LUZP1: variants seen among roughly 807,000 people sequenced by gnomAD.
The protein encoded by LUZP1 is filamin mechanobinding actin cross-linking protein.
LUZP1 carries 25 observed loss-of-function variants against 71.3 expected under a neutral mutation model. The observed-to-expected ratio is 0.35, with a 90% confidence interval of 0.26 to 0.49. LUZP1 has a LOEUF of 0.49. LUZP1 is among the 20% of genes least tolerant of loss of function. LUZP1 has a pLI of 0.99. For synonymous variants in LUZP1, 481 were observed against 506.4 expected (o/e 0.95, Z 0.67); for missense variants, 1,142 against 1,300.8 (o/e 0.88, Z 1.88).
At chr1:23,088,913 G>A (rs1382698270) in exon 5 of LUZP1, 6 of 1,614,162 alleles carry the variant, frequency 3.7e-6, no homozygotes, top group Non-Finnish European at 4.2e-6. Context: ...CCTCAGCACA[G>A]GGCCTGGTTG....
intron 3 of LUZP1, among the ~76,000 whole-genome samples, chr1:23,103,321 C>A (rs1307037141): frequency 3.9e-5 from 6 of 152,148 alleles, no homozygotes; most frequent in Admixed American, 2.6e-4. Context: ...CTAAGCCTCA[C>A]CATCAACTCT....
chr1:23,134,368 G>T (rs1186379959), intron 2 of LUZP1, among the ~76,000 whole-genome samples: 2 of 151,872 alleles, frequency 1.3e-5, no homozygotes, highest in Non-Finnish European at 2.9e-5. Context: ...TGCAGACCCA[G>T]CTACTCAGGA....
At chr1:23,121,102 G>A (rs1219786577) in intron 2 of LUZP1, among the ~76,000 whole-genome samples, 1 of 152,158 alleles carries the variant, frequency 6.6e-6, no homozygotes, top group Non-Finnish European at 1.5e-5. Context: ...TAAGCTGCTG[G>A]CTTATATCTT....
chr1:23,160,502 G>C (rs1461012854), intron 2 of LUZP1, among the ~76,000 whole-genome samples: 1 of 152,174 alleles, frequency 6.6e-6, no homozygotes, highest in Non-Finnish European at 1.5e-5. Flanking sequence ...ATTAGGACTG[G>C]ACTCCTGTAC....
chr1:23,161,048 A>G (rs1055226831), intron 2 of LUZP1, among the ~76,000 whole-genome samples: 4 of 152,208 alleles, frequency 2.6e-5, no homozygotes, highest in African/African-American at 9.6e-5. Flanking sequence ...ATAGTTAAAC[A>G]GCATAAGAGG....
intron 2 of LUZP1, among the ~76,000 whole-genome samples, chr1:23,145,871 A>G (rs997194503): frequency 6.6e-6 from 1 of 152,212 alleles, no homozygotes; most frequent in Admixed American, 6.5e-5. Flanking sequence ...ATTCAAACTC[A>G]ATTCATTTGA....
intron 2 of LUZP1, among the ~76,000 whole-genome samples, chr1:23,147,099 A>AAATAATAATAATAATAATAAT (rs371398665): frequency 2.9e-4 from 42 of 144,528 alleles, no homozygotes; most frequent in African/African-American, 6.9e-4. Flanking sequence ...TCCGTCTCAA[A>AAATAATAATAATAATAATAAT]AATAATAATA....
chr1:23,085,540 GCCTC>G (rs1446396078), exon 5 of LUZP1: 1 of 152,524 alleles, frequency 6.6e-6, no homozygotes, highest in Non-Finnish European at 1.5e-5. Flanking sequence ...CAGGGACCCA[GCCTC>G]TGGGTCCCCA....
intron 3 of LUZP1, among the ~76,000 whole-genome samples, chr1:23,103,107 A>T (rs1412704059): frequency 1.0e-4 from 15 of 145,464 alleles, no homozygotes; most frequent in Admixed American, 3.4e-4. Context: ...AATTTTTCTC[A>T]TTTTTTTTTT....
At position 23,118,311 on chromosome 1, in the gene LUZP1, T is replaced by C. The variant is rs192460409; in HGVS notation, c.-225-9184A>G. 2.8e-3 allele frequency among the ~76,000 whole-genome samples: 422 copies of C among 152,072 alleles called. 2 individuals carry two copies. In the South Asian group the frequency reaches 0.037, roughly 13 times the overall value. ...ACTCAGGAGGCTGAGGCAACGAGAA[T>C]TGCTTGAACCCGGGAGGCGGAGGTT... On this transcript the variant is annotated intron_variant, in intron 2 of 4. Transcript: ENST00000302291.
At chr1:23,097,025 T>G (rs1383509279) in intron 3 of LUZP1, among the ~76,000 whole-genome samples, 8 of 152,126 alleles carry the variant, frequency 5.3e-5, no homozygotes, top group African/African-American at 1.9e-4. Flanking sequence ...GAATATAAGA[T>G]CAAGGCACCA....
intron 1 of LUZP1, among the ~76,000 whole-genome samples, chr1:23,176,149 C>A (rs1425704169): frequency 6.6e-6 from 1 of 151,702 alleles, no homozygotes; most frequent in Non-Finnish European, 1.5e-5. Flanking sequence ...GCAACCACCA[C>A]CTCCTGGGTT....
At chr1:23,103,304 A>G (rs959295823) in intron 3 of LUZP1, among the ~76,000 whole-genome samples, 1 of 152,126 alleles carries the variant, frequency 6.6e-6, no homozygotes, top group Non-Finnish European at 1.5e-5. Flanking sequence ...TTAAAATCTT[A>G]GGCTGTCTAA....
chr1:23,091,041 CCT>C, intron 4 of LUZP1, 147 bp downstream of exon 3: 4 of 860,228 alleles, frequency 4.6e-6, no homozygotes, highest in Non-Finnish European at 7.6e-6. Context: ...GTCAAACCCC[CCT>C]GATTTTTCAA....
chr1:23,103,518 T>G (rs1000673544), intron 3 of LUZP1, among the ~76,000 whole-genome samples: 1 of 152,048 alleles, frequency 6.6e-6, no homozygotes, highest in Non-Finnish European at 1.5e-5. Context: ...AGCAAGTAGT[T>G]ACTCAGCTTC....
At chr1:23,170,462 CTTTTTTTTTTTT>C (rs200073505) in intron 1 of LUZP1, among the ~76,000 whole-genome samples, 4 of 127,444 alleles carry the variant, frequency 3.1e-5, no homozygotes, top group African/African-American at 8.9e-5. Context: ...CTTTTTCTTT[CTTTTTTTTTTTT>C]TTTTTTTTTG....
At chr1:23,115,851 C>A (rs1399474530) in intron 2 of LUZP1, among the ~76,000 whole-genome samples, 1 of 152,090 alleles carries the variant, frequency 6.6e-6, no homozygotes, top group African/African-American at 2.4e-5. Flanking sequence ...CCTGCTGTTT[C>A]CTTTTCTAAC....
chr1:23,166,563 G>C (rs1052117321), intron 2 of LUZP1, among the ~76,000 whole-genome samples: 2 of 147,536 alleles, frequency 1.4e-5, no homozygotes, highest in East Asian at 4.0e-4. Flanking sequence ...GCTGAGGCAG[G>C]AGAATAGCTT....
chr1:23,166,609 C>G (rs1313952627), intron 2 of LUZP1, among the ~76,000 whole-genome samples: 1 of 142,344 alleles, frequency 7.0e-6, no homozygotes, highest in East Asian at 2.0e-4. Flanking sequence ...GAGCCGAGAT[C>G]GCACCACTGC....
Sources: allele counts gnomAD v4.1 joint callset (sites outside exome capture counted in the v4.1 genomes callset), GRCh38; gene constraint gnomAD v4.1.1; transcripts MANE v1.5; gene names NCBI Gene and HGNC (gene_info 2026-07-23, HGNC 2026-07-21).